The following NFIA variants were observed in gnomAD, a reference collection of about 807,000 sequenced individuals.
NFIA encodes nuclear factor I A, also known as nuclear factor 1 A-type.
A neutral mutation model predicts 62.8 loss-of-function variants in NFIA; 8 were observed. That is an observed-to-expected ratio of 0.13 (90% confidence interval 0.07 to 0.23). NFIA has a LOEUF of 0.23. Ranked by LOEUF, NFIA falls within the 10% of genes least tolerant of loss-of-function variation. The pLI is 1.00. For missense variants in NFIA, 410 were observed against 642.1 expected, an observed-to-expected ratio of 0.64 and a Z score of 3.91; for synonymous variants, 235 against 238.1, an observed-to-expected ratio of 0.99 and a Z score of 0.12.
At chr1:61,451,459 A>G (rs2100588861) in intron 10 of NFIA, among the ~76,000 whole-genome samples, 1 of 152,296 alleles carries the variant, frequency 6.6e-6, no homozygotes, top group East Asian at 1.9e-4. Flanking sequence ...TCTTCATTTG[A>G]CTGGAGAAAA....
rs1486248730 is a variant in NFIA at position 61,370,476 on chromosome 1, G to A, written c.946+11202G>A. 2.0e-5 allele frequency among the ~76,000 whole-genome samples: 3 copies of A among 152,186 alleles called. No homozygotes were observed. In the East Asian group the frequency reaches 5.8e-4, roughly 29 times the overall value. On this transcript the variant is annotated intron_variant, in intron 6 of 10. Transcript: ENST00000403491. ...GAATAAAACGTCACTTTACTTTGAA[G>A]CATCTGTTAAACTTGAAAAATTAAA...
At chr1:61,099,096 T>A (rs1646466305) in intron 2 of NFIA, among the ~76,000 whole-genome samples, 1 of 152,166 alleles carries the variant, frequency 6.6e-6, no homozygotes, top group African/African-American at 2.4e-5. Flanking sequence ...CCACCTACAT[T>A]TTTAAACTAC....
intron 2 of NFIA, among the ~76,000 whole-genome samples, chr1:61,256,499 C>T (rs2100226527): frequency 1.3e-5 from 2 of 151,246 alleles, no homozygotes; most frequent in East Asian, 3.9e-4. Flanking sequence ...TTGTGTTGGG[C>T]CGTGTTCAAA....
intron 2 of NFIA, among the ~76,000 whole-genome samples, chr1:61,251,743 A>ACAG (rs925336408): frequency 3.9e-5 from 6 of 152,318 alleles, no homozygotes; most frequent in African/African-American, 1.4e-4. Context: ...TTGTATTAAC[A>ACAG]CAGTGCCTCT....
In NFIA at chr1:61,088,585, A is replaced by G; in HGVS notation, c.464A>G (p.Gln155Arg). 1.2e-6 allele frequency: 2 copies of G among 1,614,110 alleles called. No individual in the cohort carries two copies. The highest frequency in any genetic ancestry group is 1.1e-5 in the South Asian group (1 of 91,084). ...GGCGAGCGCCTTGTAAAGTCCCCAC[A>G]ATGCTCTAATCCAGGGCTCTGTGTC... ...TDGERLVKSP[Q>R]CSNPGLCVQP... The change falls in exon 2 of 11, where the codon CAA (glutamine) becomes CGA (arginine). Residue 155 changes from glutamine (Q) to arginine (R), a missense_variant. Gln to Arg is a conservative substitution (Grantham distance 43). This residue lies in a region of NFIA where 26 missense variants were observed against 79.4 expected (regional missense o/e 0.33). Coordinates refer to ENST00000403491, the MANE Select transcript of NFIA (RefSeq NM_001134673.4). This position sits in a 1 kb window ranked among gnomAD's most constrained non-coding sequence, Gnocchi z 4.5.
chr1:61,108,229 G>C (rs1646637634), intron 2 of NFIA, among the ~76,000 whole-genome samples: 1 of 151,570 alleles, frequency 6.6e-6, no homozygotes, highest in Non-Finnish European at 1.5e-5. Flanking sequence ...AAAGGAAATT[G>C]ACATCTTTTT....
chr1:61,344,589 C>T (rs1365483757), intron 4 of NFIA, among the ~76,000 whole-genome samples: 1 of 152,116 alleles, frequency 6.6e-6, no homozygotes, highest in Non-Finnish European at 1.5e-5. Context: ...AAATGTAAGC[C>T]CCACAAGGGC....
At chr1:61,200,064 A>ATG (rs1557632122) in intron 2 of NFIA, among the ~76,000 whole-genome samples, 2 of 45,152 alleles carry the variant, frequency 4.4e-5, no homozygotes, top group Non-Finnish European at 7.6e-5. Flanking sequence ...ATATATATAT[A>ATG]TATGTATGTA....
At chr1:61,259,330 C>A (rs147344842) in intron 2 of NFIA, among the ~76,000 whole-genome samples, 101 of 152,316 alleles carry the variant, frequency 6.6e-4, no homozygotes, top group African/African-American at 2.2e-3. Flanking sequence ...GATTTCTACT[C>A]TTCCTTTAAA....
intron 5 of NFIA, among the ~76,000 whole-genome samples, chr1:61,357,730 T>C (rs538456380): frequency 3.3e-5 from 5 of 152,320 alleles, no homozygotes; most frequent in Non-Finnish European, 7.3e-5. Flanking sequence ...CCCAGCACTT[T>C]GCACAGCACC....
At chr1:61,311,009 G>A (rs1466101974) in intron 3 of NFIA, among the ~76,000 whole-genome samples, 1 of 152,154 alleles carries the variant, frequency 6.6e-6, no homozygotes, top group Admixed American at 6.5e-5. Context: ...AACATAGTAG[G>A]CCCTTGGTGT....
chr1:61,453,256 G>A (rs945970696), intron 10 of NFIA, among the ~76,000 whole-genome samples: 1 of 151,972 alleles, frequency 6.6e-6, no homozygotes, highest in Non-Finnish European at 1.5e-5. Context: ...TCACGTCTGG[G>A]TCTGTCTGGT....
chr1:61,246,089 CA>C (rs1438999972), intron 2 of NFIA, among the ~76,000 whole-genome samples: 8 of 152,152 alleles, frequency 5.3e-5, no homozygotes, highest in African/African-American at 1.7e-4. Context: ...TATGTGTCCA[CA>C]GTTTGAAGAC....
At chr1:61,366,003 C>T (rs1330737882) in intron 6 of NFIA, among the ~76,000 whole-genome samples, 1 of 152,112 alleles carries the variant, frequency 6.6e-6, no homozygotes, top group Non-Finnish European at 1.5e-5. Context: ...GGCAATTAAA[C>T]TGGATTTAGA....
intron 2 of NFIA, among the ~76,000 whole-genome samples, chr1:61,153,238 CA>C (rs1648548760): frequency 6.6e-6 from 1 of 152,192 alleles, no homozygotes; most frequent in Non-Finnish European, 1.5e-5. Flanking sequence ...CCATAATCCC[CA>C]CTGTTCCCTA....
At chr1:61,405,752 G>A (rs564185965) in intron 8 of NFIA, among the ~76,000 whole-genome samples, 1 of 152,304 alleles carries the variant, frequency 6.6e-6, no homozygotes, top group South Asian at 2.1e-4. Context: ...GTCTCTTCAT[G>A]AAACTATTTT....
intron 6 of NFIA, among the ~76,000 whole-genome samples, chr1:61,367,759 G>A (rs539223904): frequency 6.6e-6 from 1 of 152,172 alleles, no homozygotes; most frequent in South Asian, 2.1e-4. Flanking sequence ...GAGTCTAAAA[G>A]GTTACCTCTT....
chr1:61,265,647 A>G (rs921991575), intron 2 of NFIA, among the ~76,000 whole-genome samples: 2 of 152,266 alleles, frequency 1.3e-5, no homozygotes, highest in Non-Finnish European at 2.9e-5. Flanking sequence ...TTTTAATAAT[A>G]TAACGTAGAG....
At chr1:61,121,484 G>T (rs1570201166) in intron 2 of NFIA, among the ~76,000 whole-genome samples, 1 of 152,008 alleles carries the variant, frequency 6.6e-6, no homozygotes, top group Non-Finnish European at 1.5e-5. Flanking sequence ...TTGCATTTTT[G>T]CCCTGGAATT....
Sources: gnomAD v4.1 joint callset for allele counts (sites outside exome capture counted in the v4.1 genomes callset) on GRCh38, gnomAD v4.1.1 for gene constraint, gnomAD v4.1.1 regional missense constraint, Gnocchi (gnomAD v3.1) non-coding constraint, MANE v1.5 for transcripts, NCBI Gene and HGNC (gene_info 2026-07-23, HGNC 2026-07-21) for gene names.